FAM171A1: variants seen among roughly 807,000 people sequenced by gnomAD.
FAM171A1 encodes the protein protein FAM171A1.
Under a neutral mutation model 74.9 loss-of-function variants are expected in FAM171A1, and 23 were observed. The ratio of observed to expected loss-of-function variants is 0.31; its 90% CI spans 0.22 to 0.44. FAM171A1 has a LOEUF of 0.44. Among genes scored for constraint, FAM171A1 ranks in the 20% least tolerant of loss-of-function variants. The pLI, the probability that FAM171A1 is intolerant of heterozygous loss-of-function variation, is 1.00. For synonymous variants in FAM171A1, 527 were observed against 505.7 expected, an observed-to-expected ratio of 1.04 and a Z score of -0.57; for missense variants, 1,162 against 1,159.2, an observed-to-expected ratio of 1.00 and a Z score of -0.03.
At chr10:15,282,124 C>T (rs562599852) in intron 2 of FAM171A1, among the ~76,000 whole-genome samples, 152 of 152,178 alleles carry the variant, frequency 1.0e-3, no homozygotes, top group Non-Finnish European at 1.6e-3. Context: ...TGTGTCATCC[C>T]GGCTGGAGTG....
intron 3 of FAM171A1, among the ~76,000 whole-genome samples, chr10:15,273,158 G>C (rs190603260): frequency 1.3e-5 from 2 of 152,092 alleles, no homozygotes; most frequent in East Asian, 3.9e-4. Flanking sequence ...GACTAATAAA[G>C]AAGAAAAGAG....
chr10:15,263,160 T>A (rs150889716), intron 3 of FAM171A1, among the ~76,000 whole-genome samples: 3,506 of 152,242 alleles, frequency 0.023, 62 homozygotes, highest in Non-Finnish European at 0.034. Flanking sequence ...GCTGGGGGCA[T>A]CTTGTCTGTA....
intron 1 of FAM171A1, among the ~76,000 whole-genome samples, chr10:15,321,530 T>C (rs1301511069): frequency 6.6e-6 from 1 of 152,252 alleles, no homozygotes; most frequent in Admixed American, 6.5e-5. Context: ...AGTCAAATAG[T>C]GGATTTCCAA....
chr10:15,232,801 C>G (rs543633984), intron 5 of FAM171A1, among the ~76,000 whole-genome samples: 1 of 152,170 alleles, frequency 6.6e-6, no homozygotes, highest in Non-Finnish European at 1.5e-5. Flanking sequence ...GAAGAAATCA[C>G]GTTTTGTGTC....
intron 5 of FAM171A1, among the ~76,000 whole-genome samples, chr10:15,242,452 G>A (rs569901125): frequency 1.3e-5 from 2 of 152,300 alleles, no homozygotes; most frequent in African/African-American, 4.8e-5. Flanking sequence ...TTACAACCAG[G>A]AATTTGGCAG....
At chr10:15,331,747 G>T (rs994380441) in intron 1 of FAM171A1, among the ~76,000 whole-genome samples, 1 of 150,752 alleles carries the variant, frequency 6.6e-6, no homozygotes, top group Non-Finnish European at 1.5e-5. Context: ...GTGTGTGTGT[G>T]TGTGTATGTA....
intron 1 of FAM171A1, among the ~76,000 whole-genome samples, chr10:15,350,044 G>T (rs945070998): frequency 6.6e-6 from 1 of 151,972 alleles, no homozygotes; most frequent in Non-Finnish European, 1.5e-5. Flanking sequence ...GAGGGAGATA[G>T]ATCAGACACG....
intron 1 of FAM171A1, among the ~76,000 whole-genome samples, chr10:15,305,773 C>T (rs1835287267): frequency 6.8e-6 from 1 of 147,842 alleles, no homozygotes. Context: ...GTTAATTGTA[C>T]ATCCAATATG....
chr10:15,272,618 C>T (rs1011231110), intron 3 of FAM171A1, among the ~76,000 whole-genome samples: 7 of 152,138 alleles, frequency 4.6e-5, no homozygotes, highest in Admixed American at 2.0e-4. Flanking sequence ...CACACTTATT[C>T]CAAAATTGAC....
At chr10:15,235,283 CAG>C (rs1202066070) in intron 5 of FAM171A1, among the ~76,000 whole-genome samples, 1 of 112,082 alleles carries the variant, frequency 8.9e-6, no homozygotes, top group African/African-American at 3.6e-5. Flanking sequence ...GCCTGGGAGA[CAG>C]AGCGAGACTC....
intron 3 of FAM171A1, among the ~76,000 whole-genome samples, chr10:15,273,936 C>T (rs545681278): frequency 3.6e-4 from 55 of 152,192 alleles, no homozygotes; most frequent in African/African-American, 1.0e-3. Flanking sequence ...TCACAGTGAA[C>T]GGGCAAAAAC....
intron 1 of FAM171A1, among the ~76,000 whole-genome samples, chr10:15,346,225 A>T (rs144566526): frequency 1.3e-4 from 20 of 152,208 alleles, no homozygotes; most frequent in African/African-American, 4.1e-4. Flanking sequence ...CTTCCCAAGG[A>T]GTTGGGACTA....
chr10:15,214,728 A>G, intron 7 of FAM171A1, 127 bp from the exon 8 acceptor site: 3 of 1,277,302 alleles, frequency 2.3e-6, no homozygotes, highest in Non-Finnish European at 3.1e-6. Flanking sequence ...AGTCAGGAGC[A>G]GCCAAAAGCC....
intron 1 of FAM171A1, among the ~76,000 whole-genome samples, chr10:15,357,714 A>G (rs1835949787): frequency 6.6e-6 from 1 of 152,212 alleles, no homozygotes; most frequent in Non-Finnish European, 1.5e-5. Flanking sequence ...ACACACTTTA[A>G]AAGGCACAGA....
chr10:15,232,308 G>C (rs1384459916), intron 5 of FAM171A1, among the ~76,000 whole-genome samples: 5 of 152,030 alleles, frequency 3.3e-5, no homozygotes, highest in Non-Finnish European at 7.4e-5. Context: ...CAAAGGCTCT[G>C]ACCAGCTAAT....
chr10:15,358,526 G>A lies in FAM171A1; in HGVS notation c.97+12430C>T, dbSNP rs145959829. Among the ~76,000 whole-genome samples, 234 of 152,198 alleles carry A rather than the reference G, an allele frequency of 1.5e-3. 8 individuals are homozygous for A. The East Asian group carries it at 0.038, about 25-fold the overall frequency. ...GTTTCTCTTTTTATATAAACAGTTT[G>A]CCAAATATTAATGAGCTCTGAACAC... On this transcript the variant is annotated intron_variant, in intron 1 of 7. Transcript: ENST00000378116.
chr10:15,298,704 T>C (rs1434357698), intron 1 of FAM171A1, among the ~76,000 whole-genome samples: 1 of 152,196 alleles, frequency 6.6e-6, no homozygotes, highest in African/African-American at 2.4e-5. Context: ...ATAAAGCTAA[T>C]ATCTTCACTT....
chr10:15,335,111 G>A (rs556275413), intron 1 of FAM171A1, among the ~76,000 whole-genome samples: 2 of 152,216 alleles, frequency 1.3e-5, no homozygotes, highest in East Asian at 1.9e-4. Flanking sequence ...GCATGGTGGC[G>A]CTTACCTATG....
chr10:15,264,878 G>A (rs1022334323), intron 3 of FAM171A1, among the ~76,000 whole-genome samples: 1 of 151,152 alleles, frequency 6.6e-6, no homozygotes, highest in Non-Finnish European at 1.5e-5. Flanking sequence ...TATCTACATG[G>A]TAGTAAGGAC....
Sources: gnomAD v4.1 joint callset for allele counts (sites outside exome capture counted in the v4.1 genomes callset) on GRCh38, gnomAD v4.1.1 for gene constraint, MANE v1.5 for transcripts, NCBI Gene and HGNC (gene_info 2026-07-23, HGNC 2026-07-21) for gene names.